The following CTTNBP2 variants were observed in gnomAD, a reference collection of about 807,000 sequenced individuals.
CTTNBP2 encodes cortactin binding protein 2, also known as cortactin-binding protein 2.
CTTNBP2 carries 108 observed loss-of-function variants against 156.9 expected under a neutral mutation model. The observed-to-expected ratio is 0.69, with a 90% CI of 0.59 to 0.81. The LOEUF (loss-of-function observed/expected upper bound fraction) is 0.81. Among genes scored for constraint, CTTNBP2 ranks in the 30% least tolerant of loss-of-function variants. The pLI is 0.00. For synonymous variants in CTTNBP2, 767 were observed against 751.8 expected (o/e 1.02, Z -0.33); for missense variants, 1,924 against 2,035.4 (o/e 0.95, Z 1.05).
rs114929791 is a variant in CTTNBP2, at chr7:117,792,968, C to A, written c.415-187G>T. 6.6e-6 allele frequency among the ~76,000 whole-genome samples: 1 copy of A among 152,070 alleles called. No individual in the cohort carries two copies. On this transcript the variant is annotated intron_variant, in intron 3 of 22. Coordinates refer to ENST00000160373, the MANE Select transcript of CTTNBP2 (RefSeq NM_033427.3). The surrounding 1 kb of genome is among the most constrained non-coding windows in gnomAD (Gnocchi z 4.2). ...AGACACATTAAAATGAGAAAATAGA[C>A]GTAAATGGCTTTATAAAGACATCTA...
At chr7:117,732,255 T>C (rs1795441620) in intron 16 of CTTNBP2, among the ~76,000 whole-genome samples, 1 of 152,160 alleles carries the variant, frequency 6.6e-6, no homozygotes, top group African/African-American at 2.4e-5. Flanking sequence ...GGAGTAATTC[T>C]TTTTAGAATT....
At chr7:117,870,633 C>A (rs948912322) in intron 1 of CTTNBP2, among the ~76,000 whole-genome samples, 3 of 152,206 alleles carry the variant, frequency 2.0e-5, no homozygotes, top group African/African-American at 4.8e-5. Flanking sequence ...ATTTTCCTTT[C>A]ATTCCAAAAT....
At chr7:117,865,668 C>T (rs1221177519) in intron 1 of CTTNBP2, among the ~76,000 whole-genome samples, 3 of 102,314 alleles carry the variant, frequency 2.9e-5, no homozygotes, top group African/African-American at 1.2e-4. Flanking sequence ...AAGACTCCAT[C>T]TCCAAAAAAA....
chr7:117,857,120 G>C (rs906882028), intron 2 of CTTNBP2, among the ~76,000 whole-genome samples: 2 of 152,002 alleles, frequency 1.3e-5, no homozygotes, highest in Non-Finnish European at 2.9e-5. Flanking sequence ...ATTTTTCTTT[G>C]GACTTTATCT....
At chr7:117,782,775 C>T in intron 6 of CTTNBP2, 87 bp downstream of exon 6, 1 of 800,328 alleles carries the variant, frequency 1.2e-6, no homozygotes, top group Non-Finnish European at 2.0e-6. Context: ...CACTAGTTTA[C>T]ACATTCAGCC....
At chr7:117,863,047 A>G (rs947414408) in intron 1 of CTTNBP2, among the ~76,000 whole-genome samples, 1 of 152,228 alleles carries the variant, frequency 6.6e-6, no homozygotes, top group Non-Finnish European at 1.5e-5. Flanking sequence ...ACAAAAGTAT[A>G]CATAGCAAAG....
intron 3 of CTTNBP2, among the ~76,000 whole-genome samples, chr7:117,796,907 TG>T (rs1799354021): frequency 6.6e-6 from 1 of 152,226 alleles, no homozygotes; most frequent in African/African-American, 2.4e-5. Context: ...CTAATTCTCC[TG>T]CAGATAATAA....
intron 3 of CTTNBP2, among the ~76,000 whole-genome samples, chr7:117,797,504 C>T (rs999603300): frequency 2.0e-5 from 3 of 151,946 alleles, no homozygotes; most frequent in Admixed American, 6.6e-5. Context: ...AGATGATCCA[C>T]GCTGGAATTA....
At chr7:117,739,307 G>A (rs1238172433) in intron 14 of CTTNBP2, among the ~76,000 whole-genome samples, 3 of 152,208 alleles carry the variant, frequency 2.0e-5, no homozygotes. Context: ...GGCTTATGGA[G>A]AGGTGAAAGA....
chr7:117,727,991 G>T, intron 17 of CTTNBP2, 98 bp downstream of exon 17: 1 of 1,050,440 alleles, frequency 9.5e-7, no homozygotes, highest in Non-Finnish European at 1.4e-6. Context: ...AGTGACAGGA[G>T]GTGGCACAAG....
chr7:117,822,867 G>T (rs529486229), intron 2 of CTTNBP2, among the ~76,000 whole-genome samples: 2 of 152,268 alleles, frequency 1.3e-5, no homozygotes, highest in Admixed American at 6.5e-5. Context: ...GTGGCTGAGG[G>T]TGTTTATGTT....
chr7:117,849,866 T>C (rs1033165310), intron 2 of CTTNBP2, among the ~76,000 whole-genome samples: 1 of 152,180 alleles, frequency 6.6e-6, no homozygotes, highest in Non-Finnish European at 1.5e-5. Flanking sequence ...CAAGATTATA[T>C]AGAAGAGTAG....
chr7:117,746,990 G>A (rs1464011869), intron 12 of CTTNBP2, among the ~76,000 whole-genome samples: 1 of 152,186 alleles, frequency 6.6e-6, no homozygotes, highest in Non-Finnish European at 1.5e-5. Flanking sequence ...AAAATATGGA[G>A]AGGAAAGTTA....
At chr7:117,854,809 G>A (rs549290334) in intron 2 of CTTNBP2, among the ~76,000 whole-genome samples, 3 of 151,870 alleles carry the variant, frequency 2.0e-5, no homozygotes, top group Non-Finnish European at 4.4e-5. Context: ...TTTTGAGACA[G>A]AGTCTCGCTC....
rs1563010698 is a variant in CTTNBP2, at chr7:117,791,520, G to T, written c.1676C>A (p.Pro559Gln). The T allele has an allele frequency of 4.3e-6, 7 of 1,614,204 alleles. No homozygotes were observed. Among genetic ancestry groups the T allele is most frequent in the Non-Finnish European group, 5.9e-6 (7 of 1,180,016 alleles). ...TATAATAACCTTGAGTTGGGGGTGT[G>T]GTGGAGAAGGAGTTTGGGAGAGCCC... Reference protein sequence around the residue: ...KPGLSQTPSPPHPQLKVIIDS... With the variant: ...KPGLSQTPSPQHPQLKVIIDS... The change falls in exon 4 of 23, where the codon CCA (proline) becomes CAA (glutamine). Residue 559 changes from proline to glutamine, a missense_variant. Transcript: ENST00000160373.
intron 2 of CTTNBP2, among the ~76,000 whole-genome samples, chr7:117,854,836 G>A (rs929270450): frequency 1.4e-4 from 22 of 151,974 alleles, no homozygotes; most frequent in Non-Finnish European, 3.1e-4. Context: ...CCAGGCTGGA[G>A]TGCAGTGGCT....
intron 7 of CTTNBP2, among the ~76,000 whole-genome samples, chr7:117,779,374 C>T (rs1162642393): frequency 6.6e-6 from 1 of 152,138 alleles, no homozygotes; most frequent in African/African-American, 2.4e-5. Flanking sequence ...TTCCCAATTA[C>T]ACTGTTTATC....
At chr7:117,863,618 G>A (rs997227771) in intron 1 of CTTNBP2, among the ~76,000 whole-genome samples, 1 of 152,206 alleles carries the variant, frequency 6.6e-6, no homozygotes, top group Non-Finnish European at 1.5e-5. Flanking sequence ...ACATGGTGAG[G>A]AGCACTTCTG....
Position 117,791,558 on chromosome 7 carries a change from A to G in CTTNBP2, c.1638T>C (p.Pro546=). Residue 546 remains proline, a synonymous_variant, in exon 4 of 23, where the codon CCT becomes CCC. Coordinates refer to ENST00000160373, the MANE Select transcript of CTTNBP2 (RefSeq NM_033427.3). ...RVDRGNPPPI[P]PKKPGLSQTP... ...TTTGGGAGAGCCCTGGCTTTTTTGG[A>G]GGGATAGGAGGAGGATTTCCTCTGT... The G allele has an allele frequency of 6.2e-7, 1 of 1,613,844 alleles. No homozygotes were observed. The highest frequency in any genetic ancestry group is 8.5e-7 in the Non-Finnish European group (1 of 1,179,954).
Sources: gnomAD v4.1 joint callset for allele counts (sites outside exome capture counted in the v4.1 genomes callset) on GRCh38, gnomAD v4.1.1 for gene constraint, Gnocchi (gnomAD v3.1) non-coding constraint, MANE v1.5 for transcripts, NCBI Gene and HGNC (gene_info 2026-07-23, HGNC 2026-07-21) for gene names.